The following MAP1B variants were observed in gnomAD, a reference collection of about 807,000 sequenced individuals.
MAP1B encodes microtubule-associated protein 1B.
A neutral mutation model predicts 176.1 loss-of-function variants in MAP1B; 12 were observed. The observed-to-expected ratio is 0.07, with a 90% CI of 0.04 to 0.11. The LOEUF (loss-of-function observed/expected upper bound fraction) is 0.11. Among genes scored for constraint, MAP1B ranks in the 10% least tolerant of loss-of-function variants. MAP1B has a pLI of 1.00. For missense variants in MAP1B, 2,523 were observed against 2,990.5 expected (o/e 0.84, Z 3.65); for synonymous variants, 1,044 against 1,135.0 (o/e 0.92, Z 1.61).
chr5:72,133,271 A>G (rs946362658), intron 2 of MAP1B, among the ~76,000 whole-genome samples: 22 of 152,174 alleles, frequency 1.4e-4, no homozygotes, highest in African/African-American at 5.3e-4. Context: ...GTTTTTCCTG[A>G]GACAACTGTC....
intron 2 of MAP1B, among the ~76,000 whole-genome samples, chr5:72,178,912 T>C (rs1158037281): frequency 1.3e-5 from 2 of 152,168 alleles, no homozygotes; most frequent in Non-Finnish European, 2.9e-5. Context: ...AGCCAAACCT[T>C]ATAAGACACA....
At chr5:72,184,754 G>A (rs1172886334) in intron 3 of MAP1B, among the ~76,000 whole-genome samples, 1 of 152,268 alleles carries the variant, frequency 6.6e-6, no homozygotes, top group Admixed American at 6.5e-5. Context: ...AACCTTCATT[G>A]TTTGCAGCGT....
Position 72,195,469 on chromosome 5 carries a change from C to A in MAP1B, c.2114C>A (p.Pro705Gln). The change falls in exon 5 of 7, where the codon CCG becomes CAG. Residue 705 changes from proline (P) to glutamine (Q), a missense_variant. Physicochemically the swap from Pro to Gln is moderately conservative, Grantham distance 76. This residue lies in a region of MAP1B where 1,925 missense variants were observed against 2,126.0 expected (regional missense o/e 0.91). Coordinates refer to ENST00000296755, the MANE Select transcript of MAP1B (RefSeq NM_005909.5). ...EPKKEVKKET[P>Q]PKEVKKEVKK... Reference sequence around the variant, plus strand: ...AAGAAAGAGGTTAAGAAAGAAACACCGCCAAAGGAAGTCAAGAAGGAAGTT... The same window carrying A: ...AAGAAAGAGGTTAAGAAAGAAACACAGCCAAAGGAAGTCAAGAAGGAAGTT... 2 of 1,586,510 alleles carry A rather than the reference C, an allele frequency of 1.3e-6. No homozygotes were observed. Among genetic ancestry groups the A allele is most frequent in the South Asian group, 1.2e-5 (1 of 84,986 alleles).
chr5:72,114,655 A>C (rs1167285013), intron 1 of MAP1B, among the ~76,000 whole-genome samples: 1 of 152,194 alleles, frequency 6.6e-6, no homozygotes, highest in African/African-American at 2.4e-5. Context: ...GGGGTTCCCC[A>C]ACTTTCCCTG....
intron 2 of MAP1B, among the ~76,000 whole-genome samples, chr5:72,154,569 C>T (rs1388277993): frequency 6.6e-6 from 1 of 152,194 alleles, no homozygotes; most frequent in African/African-American, 2.4e-5. Context: ...CCCAGCTGAG[C>T]TCATGACCTT....
chr5:72,107,801 C>G, intron 1 of MAP1B, 86 bp downstream of exon 1: 2 of 1,379,428 alleles, frequency 1.4e-6, no homozygotes, highest in South Asian at 2.4e-5. Flanking sequence ...CTGCGCTCCT[C>G]CCGCGCGCCC....
intron 2 of MAP1B, chr5:72,179,738 C>G (rs1302872954): frequency 1.0e-6 from 1 of 985,320 alleles, no homozygotes; most frequent in Non-Finnish European, 1.2e-6. Flanking sequence ...AAATCCCCTC[C>G]TTCATTCAAA....
Position 72,107,478 on chromosome 5 carries a change from G to A in MAP1B, c.-54G>A. On this transcript the variant is annotated 5_prime_UTR_variant, in exon 1 of 7. In the 5' UTR this introduces an upstream ATG that the reference lacks. Coordinates refer to ENST00000296755, the MANE Select transcript of MAP1B (RefSeq NM_005909.5). The stretch of plus-strand genomic sequence containing the variant: ...GGAGATAATCCTTTCTCCTGCCGCA[G>A]TGGAGAGGAGCGGCCGGAGCGAGAC... 1 of 1,451,498 alleles carries A rather than the reference G, an allele frequency of 6.9e-7. No homozygotes were observed. Among genetic ancestry groups the A allele is most frequent in the Non-Finnish European group, 9.2e-7 (1 of 1,085,514 alleles). 89.9% of individuals were successfully genotyped at this position (1,451,498 alleles called of 1,614,324 possible).
chr5:72,144,998 T>TG (rs947565334), intron 2 of MAP1B, among the ~76,000 whole-genome samples: 24 of 152,222 alleles, frequency 1.6e-4, no homozygotes, highest in South Asian at 6.2e-4. Context: ...TGCCTATCTC[T>TG]GGTGCTGCCT....
chr5:72,142,766 G>T (rs1276972024), intron 2 of MAP1B, among the ~76,000 whole-genome samples: 1 of 151,728 alleles, frequency 6.6e-6, no homozygotes, highest in African/African-American at 2.4e-5. Context: ...CTAGCACATG[G>T]TATGGGGCTA....
rs554368765 is a variant in MAP1B, at chr5:72,182,193, A to G, written c.287-1550A>G. On this transcript the variant is annotated intron_variant, in intron 2 of 6. Transcript: ENST00000296755. The stretch of plus-strand genomic sequence containing the variant: ...TCACCTCTATTTTAAAAACATTTTC[A>G]TCACTCCAAACAGAAACTGTACCCA... Among the ~76,000 whole-genome samples, 22 of 152,076 alleles carry G rather than the reference A, an allele frequency of 1.4e-4. No homozygotes were observed. In the East Asian group the frequency reaches 3.9e-3, roughly 27 times the overall value.
chr5:72,112,589 G>A (rs1579977650), intron 1 of MAP1B, among the ~76,000 whole-genome samples: 1 of 152,156 alleles, frequency 6.6e-6, no homozygotes, highest in Admixed American at 6.5e-5. Flanking sequence ...GCTACCACCT[G>A]GGGTCAGAGA....
chr5:72,123,104 A>C (rs1263865475), intron 2 of MAP1B, among the ~76,000 whole-genome samples: 2 of 152,202 alleles, frequency 1.3e-5, no homozygotes, highest in East Asian at 3.9e-4. Context: ...ATGAAGAATA[A>C]AGCATAAACT....
chr5:72,174,922 T>C (rs1746620242), intron 2 of MAP1B, among the ~76,000 whole-genome samples: 1 of 89,212 alleles, frequency 1.1e-5, no homozygotes, highest in Non-Finnish European at 2.2e-5. Context: ...CTTCCCTCCT[T>C]CCCCCTTTCC....
intron 2 of MAP1B, among the ~76,000 whole-genome samples, chr5:72,173,680 C>T (rs904393667): frequency 1.3e-5 from 2 of 152,172 alleles, no homozygotes; most frequent in African/African-American, 4.8e-5. Flanking sequence ...ATCTCAAATG[C>T]TGGGATTATT....
chr5:72,154,653 C>A (rs553273999), intron 2 of MAP1B, among the ~76,000 whole-genome samples: 21 of 152,318 alleles, frequency 1.4e-4, no homozygotes, highest in Admixed American at 9.8e-4. Flanking sequence ...TAGAACCAGG[C>A]TGCCAGGCCT....
rs776315096 is a variant in MAP1B, at chr5:72,198,390, A to C, written c.5035A>C (p.Ile1679Leu). 1 of 1,614,164 alleles carries C rather than the reference A, an allele frequency of 6.2e-7. No individual in the cohort carries two copies. Among genetic ancestry groups the C allele is most frequent in the South Asian group, 1.1e-5 (1 of 91,086 alleles). Reference sequence around the variant, plus strand: ...TACAGTGGGTGCAGGCGTGCTTCACATCACTGAAAATGGGCCAACTGAAGT... The same window carrying C: ...TACAGTGGGTGCAGGCGTGCTTCACCTCACTGAAAATGGGCCAACTGAAGT... ...HPTVGAGVLH[I>L]TENGPTEVDY... Residue 1679 changes from isoleucine to leucine, a missense_variant, in exon 5 of 7, where the codon ATC (isoleucine) becomes CTC (leucine). Physicochemically the swap from Ile to Leu is conservative, Grantham distance 5. Transcript: ENST00000296755.
chr5:72,140,738 G>A (rs1408567363), intron 2 of MAP1B, among the ~76,000 whole-genome samples: 1 of 152,124 alleles, frequency 6.6e-6, no homozygotes, highest in African/African-American at 2.4e-5. Context: ...TGTGATTATC[G>A]AAGCAATCCT....
intron 2 of MAP1B, among the ~76,000 whole-genome samples, chr5:72,119,595 C>A (rs6879628): frequency 0.47 from 71,118 of 152,016 alleles, 16,873 homozygotes; most frequent in Middle Eastern, 0.62. Context: ...GCAACCTCAA[C>A]CTCCTGGGCT....
Sources: gnomAD v4.1 joint callset for allele counts (sites outside exome capture counted in the v4.1 genomes callset) on GRCh38, gnomAD v4.1.1 for gene constraint, gnomAD v4.1.1 regional missense constraint, MANE v1.5 for transcripts, NCBI Gene and HGNC (gene_info 2026-07-23, HGNC 2026-07-21) for gene names.